GMPR2: variants seen among roughly 807,000 people sequenced by gnomAD.
GMPR2 encodes guanosine monophosphate reductase 2.
A neutral mutation model predicts 38.5 loss-of-function variants in GMPR2; 32 were observed. The observed-to-expected ratio is 0.83, with a 90% CI of 0.63 to 1.12. The LOEUF (loss-of-function observed/expected upper bound fraction) is 1.12, where lower values mean the gene tolerates loss of function less well. GMPR2 is among the 50% of genes most tolerant of loss of function. The pLI, the probability that GMPR2 is intolerant of heterozygous loss-of-function variation, is 0.00. For missense variants in GMPR2, 396 were observed against 432.1 expected (o/e 0.92, Z 0.74); for synonymous variants, 154 against 151.0 (o/e 1.02, Z -0.15).
rs2040406203 is a variant in GMPR2 at position 24,237,535 on chromosome 14, T to C, written c.670T>C (p.Cys224Arg). 2 of 1,614,046 alleles carry C rather than the reference T, an allele frequency of 1.2e-6. No individual in the cohort carries two copies. Among genetic ancestry groups the C allele is most frequent in the East Asian group, 4.5e-5 (2 of 44,886 alleles). The change falls in exon 8 of 10, where the codon TGT (cysteine) becomes CGT (arginine). Residue 224 changes from cysteine to arginine, a missense_variant. Transcript: ENST00000399440. The stretch of plus-strand genomic sequence containing the variant: ...TACTTTGCAGGATGGAGGTTGCAGC[T>C]GTCCTGGGGATGTGGCCAAGGCTTT... ...GHIISDGGCSCPGDVAKAFGA... is the reference protein window; with the variant it reads ...GHIISDGGCSRPGDVAKAFGA...
intron 2 of GMPR2, 64 bp from the exon 3 acceptor site, chr14:24,233,415 C>G (rs2040158742): frequency 6.2e-7 from 1 of 1,609,276 alleles, no homozygotes. Flanking sequence ...GATGCCTGTC[C>G]TTGTCCTAAT....
At chr14:24,237,472 AG>A (rs760661327) in intron 7 of GMPR2, 47 bp from the exon 8 acceptor site, 1 of 1,599,388 alleles carries the variant, frequency 6.3e-7, no homozygotes, top group Admixed American at 1.7e-5. Context: ...GACATCGCTG[AG>A]GGCTTGGGAA....
chr14:24,233,435 T>G (rs1322897015), intron 2 of GMPR2, 44 bp from the exon 3 acceptor site: 2 of 1,609,100 alleles, frequency 1.2e-6, no homozygotes, highest in Non-Finnish European at 1.7e-6. Context: ...TATGGTACGT[T>G]TTTTGGATTA....
intron 3 of GMPR2, among the ~76,000 whole-genome samples, chr14:24,234,629 G>C (rs1011460453): frequency 6.6e-6 from 1 of 152,154 alleles, no homozygotes; most frequent in Non-Finnish European, 1.5e-5. Flanking sequence ...TATTGCTGAC[G>C]AGAGGTAAAG....
chr14:24,238,030 G>T, intron 8 of GMPR2: 1 of 537,234 alleles, frequency 1.9e-6, no homozygotes. Context: ...ACTCTCCAGA[G>T]GCTCTTTTTT....
At position 24,233,245 on chromosome 14, in the gene GMPR2, C is replaced by T. The variant is rs2040146020; in HGVS notation, c.-9C>T. On this transcript the variant is annotated 5_prime_UTR_variant, in exon 2 of 10. Transcript: ENST00000399440. ...CCTCAGATTCATCGCTACCCCGAGG[C>T]TAAGCGCCATGCCTCATATTGACAA... 4 of 1,613,926 alleles carry T rather than the reference C, an allele frequency of 2.5e-6. No individual in the cohort carries two copies.
At chr14:24,236,282 C>T in intron 5 of GMPR2, 142 bp downstream of exon 5, 1 of 704,042 alleles carries the variant, frequency 1.4e-6, no homozygotes, top group Non-Finnish European at 2.5e-6. Context: ...ATCCATAGTT[C>T]TAAGCTGAAA....
At position 24,239,103 on chromosome 14, in the gene GMPR2, C is replaced by T; in HGVS notation, c.*325C>T. 2.1e-6 allele frequency: 1 copy of T among 469,354 alleles called. No individual in the cohort carries two copies. 29.1% of individuals were successfully genotyped at this position (469,354 alleles called of 1,614,324 possible). On this transcript the variant is annotated 3_prime_UTR_variant, in exon 10 of 10. Transcript: ENST00000399440. ...TTGGTACATAAATCTTTTACATGGC[C>T]TTGGTCTAGAGGAGGCAGGCTTTTA...
In GMPR2 at chr14:24,233,279, A is replaced by G; in HGVS notation, c.26A>G (p.Lys9Arg). The G allele has an allele frequency of 1.2e-6, 2 of 1,614,120 alleles. No individual in the cohort carries two copies. Among genetic ancestry groups the G allele is most frequent in the Middle Eastern group, 3.3e-4 (2 of 6,056 alleles). MPHIDNDV[K>R]LDFKDVLLRP... ...ATGCCTCATATTGACAACGATGTGAAACTGGACTTCAAGGATGTCCTTTTG... is the reference window on the plus strand; with the variant it reads ...ATGCCTCATATTGACAACGATGTGAGACTGGACTTCAAGGATGTCCTTTTG... Residue 9 changes from lysine (K) to arginine (R), a missense_variant, in exon 2 of 10, where the codon AAA becomes AGA. Coordinates refer to ENST00000399440, the MANE Select transcript of GMPR2 (RefSeq NM_001002002.3).
At chr14:24,232,905 A>G (rs981469614), upstream of GMPR2, 8 of 419,340 alleles carry the variant, frequency 1.9e-5, no homozygotes, top group Non-Finnish European at 3.5e-5. Context: ...CGTCGCCAAC[A>G]TTCCTTCGTT....
At chr14:24,236,246 T>A (rs2040339084) in intron 5 of GMPR2, 106 bp downstream of exon 5, 1 of 806,178 alleles carries the variant, frequency 1.2e-6, no homozygotes, top group Admixed American at 2.1e-5. Context: ...TATTCCTAGT[T>A]CATTTAATCA....
chr14:24,236,266 A>T, intron 5 of GMPR2, 126 bp downstream of exon 5: 1 of 737,966 alleles, frequency 1.4e-6, no homozygotes, highest in Non-Finnish European at 2.3e-6. Context: ...ATGATACTGG[A>T]TGATTATCCA....
In GMPR2 at chr14:24,238,703, C is replaced by A; in HGVS notation, c.972C>A (p.Leu324=). 6.2e-7 allele frequency: 1 copy of A among 1,613,954 alleles called. No homozygotes were observed. The highest frequency in any genetic ancestry group is 1.1e-5 in the South Asian group (1 of 91,056). ...GTACCTATGTGGGAGCAGCTAAGCT[C>A]AAAGAGTTGAGCAGGAGAACTACCT... The part of the protein sequence containing the change: ...STCTYVGAAK[L]KELSRRTTFI... Residue 324 remains leucine (L), a synonymous_variant, in exon 10 of 10, where the codon CTC becomes CTA. Transcript: ENST00000399440.
intron 3 of GMPR2, chr14:24,234,060 A>G: frequency 7.9e-7 from 1 of 1,262,046 alleles, no homozygotes; most frequent in Non-Finnish European, 1.0e-6. Context: ...ATTCATTAAT[A>G]AAAGAATACT....
chr14:24,237,210 G>A, intron 6 of GMPR2, 35 bp from the exon 7 acceptor site: 1 of 1,549,752 alleles, frequency 6.5e-7, no homozygotes, highest in Non-Finnish European at 8.9e-7. Context: ...CACCTGTGGA[G>A]CACGTCATTC....
intron 8 of GMPR2, chr14:24,237,997 G>A (rs1440009042): frequency 2.0e-6 from 1 of 488,764 alleles, no homozygotes; most frequent in Non-Finnish European, 3.6e-6. Context: ...ACAGCAAAAG[G>A]AGAAAGCAAA....
chr14:24,238,018 G>C (rs755922402), intron 8 of GMPR2: 1 of 516,542 alleles, frequency 1.9e-6, no homozygotes, highest in Middle Eastern at 5.0e-4. Flanking sequence ...AGCCAGGCAG[G>C]GACTCTCCAG....
At chr14:24,238,062 C>T (rs2040430331) in intron 8 of GMPR2, 184 bp from the exon 9 acceptor site, 1 of 567,806 alleles carries the variant, frequency 1.8e-6, no homozygotes, top group South Asian at 2.6e-5. Context: ...AAATCATACC[C>T]ACTGAGGAAT....
chr14:24,233,126 A>T, intron 1 of GMPR2, 93 bp from the exon 2 acceptor site: 2 of 1,569,266 alleles, frequency 1.3e-6, no homozygotes, highest in Non-Finnish European at 1.7e-6. Flanking sequence ...CCTTTGCCCG[A>T]CCTTCCACAA....
Sources: gnomAD v4.1 joint callset for allele counts (sites outside exome capture counted in the v4.1 genomes callset) on GRCh38, gnomAD v4.1.1 for gene constraint, MANE v1.5 for transcripts, NCBI Gene and HGNC (gene_info 2026-07-23, HGNC 2026-07-21) for gene names.